The following METTL6 variants were observed in gnomAD, a reference collection of about 807,000 sequenced individuals.
METTL6 encodes methyltransferase 6, tRNA N3-cytidine.
In METTL6, 22 loss-of-function variants were observed where a neutral mutation model predicts 26.4. That is an observed-to-expected ratio of 0.83 (90% confidence interval 0.59 to 1.19). The LOEUF (loss-of-function observed/expected upper bound fraction) is 1.19. Among genes scored for constraint, METTL6 ranks in the 50% most tolerant of loss-of-function variants. The pLI is 0.00. For missense variants in METTL6, 304 were observed against 324.8 expected (o/e 0.94, Z 0.49); for synonymous variants, 109 against 116.2 (o/e 0.94, Z 0.40).
chr3:15,419,286 GAA>G (rs2061557306), intron 3 of METTL6, among the ~76,000 whole-genome samples: 1 of 152,016 alleles, frequency 6.6e-6, no homozygotes, highest in Non-Finnish European at 1.5e-5. Flanking sequence ...AAATAAGAAA[GAA>G]AATGACAAAC....
chr3:15,392,169 C>T (rs982422965), intron 6 of METTL6, among the ~76,000 whole-genome samples: 19 of 152,096 alleles, frequency 1.2e-4, no homozygotes, highest in East Asian at 7.7e-4. Context: ...TGTTGTTTCC[C>T]GACTTTTTAA....
intron 5 of METTL6, among the ~76,000 whole-genome samples, chr3:15,412,868 CT>C (rs1700031690): frequency 6.6e-6 from 1 of 152,108 alleles, no homozygotes; most frequent in African/African-American, 2.4e-5. Flanking sequence ...ATCTTCCTGT[CT>C]AGATGATTAG....
At chr3:15,408,220 C>A (rs886314775), downstream of METTL6, among the ~76,000 whole-genome samples, 1 of 152,142 alleles carries the variant, frequency 6.6e-6, no homozygotes, top group Non-Finnish European at 1.5e-5. Context: ...TGGAACGAGA[C>A]ACAGGGGTGG....
In METTL6 at chr3:15,414,053, T is replaced by C; in HGVS notation, c.641A>G (p.Gln214Arg). 1 of 1,614,206 alleles carries C rather than the reference T, an allele frequency of 6.2e-7. No individual in the cohort carries two copies. The highest frequency in any genetic ancestry group is 8.5e-7 in the Non-Finnish European group (1 of 1,180,032). The part of the protein sequence containing the change: ...SKLGENFYVR[Q>R]DGTRSYFFTD... ...AAAAAAATATGATCTGGTCCCATCT[T>C]GTCTAACATAAAAGTTTTCTCCAAG... Residue 214 changes from glutamine (Q) to arginine (R), a missense_variant, in exon 5 of 6, where the codon CAA becomes CGA. Coordinates refer to ENST00000383790, the MANE Select transcript of METTL6 (RefSeq NM_152396.4).
Position 15,411,274 on chromosome 3 carries a change from G to A in METTL6, c.837C>T (p.Gly279=). ...TGAAAGGTCAGGACTTAGGATCCAG[G>A]CCCAGGACCACAGGAGATGGGTTCT... ...PPKNPSPVVL[G]LDPKS is the part of the protein sequence containing the mutation. Residue 279 remains glycine (G), a synonymous_variant, in exon 6 of 6, where the codon GGC becomes GGT. Coordinates refer to ENST00000383790, the MANE Select transcript of METTL6 (RefSeq NM_152396.4). The A allele has an allele frequency of 3.7e-6, 6 of 1,613,850 alleles. No homozygotes were observed. Among genetic ancestry groups the A allele is most frequent in the Non-Finnish European group, 5.1e-6 (6 of 1,179,924 alleles).
downstream of METTL6, among the ~76,000 whole-genome samples, chr3:15,408,654 A>G (rs1199365927): frequency 6.9e-6 from 1 of 145,834 alleles, no homozygotes; most frequent in Non-Finnish European, 1.5e-5. Context: ...CCATCGCTAC[A>G]GCCTCCAACT....
chr3:15,426,751 TGA>T, intron 1 of METTL6, 116 bp from the exon 2 acceptor site: 1 of 544,582 alleles, frequency 1.8e-6, no homozygotes, highest in South Asian at 2.4e-5. Flanking sequence ...TCCCGCTATA[TGA>T]GAGGTCACAA....
chr3:15,396,303 T>G (rs202016451), intron 6 of METTL6, among the ~76,000 whole-genome samples: 2 of 152,240 alleles, frequency 1.3e-5, no homozygotes, highest in African/African-American at 4.8e-5. Context: ...GCTTGTGCAT[T>G]TGTCACGTAG....
chr3:15,420,649 T>C (rs1276955345), intron 3 of METTL6, among the ~76,000 whole-genome samples: 1 of 152,222 alleles, frequency 6.6e-6, no homozygotes. Flanking sequence ...ATGTATATAG[T>C]GTATATGAAG....
Position 15,427,504 on chromosome 3 carries a change from T to G in METTL6, c.-227A>C, listed in dbSNP as rs925914840. The G allele has an allele frequency of 5.3e-5, 27 of 504,678 alleles. No individual in the cohort carries two copies. Among genetic ancestry groups the G allele is most frequent in the Non-Finnish European group, 9.3e-5 (26 of 280,118 alleles). The allele number at this position is 504,678 out of a possible 1,614,324, so 31.3% of individuals were successfully genotyped here. Reference sequence around the variant, plus strand: ...CCACGAATTCGGATTATCCGGGAGTTCTTTTGCCATGGCACCGCCCCCGCC... The same window carrying G: ...CCACGAATTCGGATTATCCGGGAGTGCTTTTGCCATGGCACCGCCCCCGCC... On this transcript the variant is annotated 5_prime_UTR_variant, in exon 1 of 6. Transcript: ENST00000383790.
At chr3:15,402,289 T>G (rs1369033739) in intron 6 of METTL6, among the ~76,000 whole-genome samples, 2 of 152,104 alleles carry the variant, frequency 1.3e-5, no homozygotes, top group South Asian at 4.1e-4. Flanking sequence ...CAAGGATAGT[T>G]TGGTGGGCAG....
chr3:15,402,867 C>T (rs1358062803), intron 6 of METTL6, among the ~76,000 whole-genome samples: 1 of 151,692 alleles, frequency 6.6e-6, no homozygotes, highest in Admixed American at 6.6e-5. Context: ...AATCTTGTGG[C>T]TAATTTATTC....
chr3:15,403,999 G>T (rs1382812310), intron 6 of METTL6, among the ~76,000 whole-genome samples: 1 of 152,194 alleles, frequency 6.6e-6, no homozygotes, highest in African/African-American at 2.4e-5. Context: ...TCTTGGTTTT[G>T]CTGGGATTTG....
At chr3:15,399,380 T>A (rs1199902832) in intron 6 of METTL6, 2 of 152,166 alleles carry the variant, frequency 1.3e-5, no homozygotes, top group Non-Finnish European at 2.9e-5. Context: ...CTCAAATTCT[T>A]TCTTTACCTG....
chr3:15,414,347 T>G, intron 4 of METTL6, 185 bp from the exon 5 acceptor site: 1 of 1,331,190 alleles, frequency 7.5e-7, no homozygotes, highest in East Asian at 3.1e-5. Context: ...TCCATAACAC[T>G]AAGACACTTC....
chr3:15,396,760 C>T (rs1699500579), intron 6 of METTL6, among the ~76,000 whole-genome samples: 1 of 152,184 alleles, frequency 6.6e-6, no homozygotes, highest in Non-Finnish European at 1.5e-5. Context: ...ATTCCAGACC[C>T]TGTTTGCCTG....
chr3:15,392,219 T>C (rs1260502471), intron 6 of METTL6, among the ~76,000 whole-genome samples: 2 of 152,210 alleles, frequency 1.3e-5, no homozygotes, highest in Non-Finnish European at 2.9e-5. Context: ...TATCTCATTG[T>C]GGTTTTGATT....
At chr3:15,416,843 A>G (rs1333942799) in intron 3 of METTL6, among the ~76,000 whole-genome samples, 2 of 152,214 alleles carry the variant, frequency 1.3e-5, no homozygotes, top group African/African-American at 4.8e-5. Context: ...AAGTTACTGG[A>G]TGGGAAAATT....
chr3:15,406,254 AACC>A (rs1159322496), downstream of METTL6, among the ~76,000 whole-genome samples: 3 of 152,108 alleles, frequency 2.0e-5, no homozygotes, highest in Non-Finnish European at 4.4e-5. Context: ...TTTGCTACTA[AACC>A]AACCATGGTC....
Sources: gnomAD v4.1 joint callset for allele counts (sites outside exome capture counted in the v4.1 genomes callset) on GRCh38, gnomAD v4.1.1 for gene constraint, MANE v1.5 for transcripts, NCBI Gene and HGNC (gene_info 2026-07-23, HGNC 2026-07-21) for gene names.